Variants in SPAG16 observed in about 807,000 individuals in gnomAD.
SPAG16 encodes the protein sperm associated antigen 16, also known as sperm-associated antigen 16 protein.
Under a neutral mutation model 80.4 loss-of-function variants are expected in SPAG16, and 86 were observed. The ratio of observed to expected loss-of-function variants is 1.07; its 90% CI spans 0.90 to 1.28. The LOEUF (loss-of-function observed/expected upper bound fraction) is 1.28, where lower values mean the gene tolerates loss of function less well. Ranked by LOEUF, SPAG16 falls within the 50% of genes most tolerant of loss-of-function variation. SPAG16 has a pLI of 0.00. For synonymous variants in SPAG16, 294 were observed against 265.9 expected (o/e 1.11, Z -1.03); for missense variants, 870 against 765.3 (o/e 1.14, Z -1.61).
intron 10 of SPAG16, among the ~76,000 whole-genome samples, chr2:213,674,563 T>C (rs1434192724): frequency 1.4e-5 from 2 of 146,524 alleles, no homozygotes; most frequent in Non-Finnish European, 3.0e-5. Flanking sequence ...GTCCCCAGAG[T>C]GTGATGTTCC....
intron 15 of SPAG16, among the ~76,000 whole-genome samples, chr2:214,359,747 T>G (rs1699057295): frequency 6.6e-6 from 1 of 151,890 alleles, no homozygotes; most frequent in African/African-American, 2.4e-5. Context: ...AGTAAAGAAT[T>G]AATTAAATGT....
chr2:213,356,246 A>T (rs1054247226), intron 7 of SPAG16, among the ~76,000 whole-genome samples: 29 of 152,226 alleles, frequency 1.9e-4, no homozygotes, highest in African/African-American at 6.7e-4. Context: ...TGGTATCAGG[A>T]TGATGCTGGC....
chr2:213,445,619 A>G (rs913429818), intron 9 of SPAG16, among the ~76,000 whole-genome samples: 10 of 152,076 alleles, frequency 6.6e-5, no homozygotes, highest in Non-Finnish European at 1.2e-4. Flanking sequence ...TGAGCCAAAA[A>G]CATGCCATTG....
chr2:214,176,947 C>A (rs2057106509), intron 15 of SPAG16, among the ~76,000 whole-genome samples: 2 of 150,858 alleles, frequency 1.3e-5, no homozygotes, highest in African/African-American at 2.4e-5. Flanking sequence ...TTATGCTAAG[C>A]TTTTTTTAAA....
intron 10 of SPAG16, among the ~76,000 whole-genome samples, chr2:213,776,433 C>T (rs1336879111): frequency 6.6e-6 from 1 of 152,196 alleles, no homozygotes; most frequent in East Asian, 1.9e-4. Flanking sequence ...TGAAGCTCTT[C>T]TGGGTCCTTG....
intron 15 of SPAG16, among the ~76,000 whole-genome samples, chr2:214,331,229 C>T (rs1696890794): frequency 6.6e-6 from 1 of 152,112 alleles, no homozygotes. Flanking sequence ...AAGTGGATCA[C>T]CTGGGTCCCA....
chr2:213,468,463 CTATGTATTTATATATAGATATATATA>C (rs2072849928), intron 9 of SPAG16, among the ~76,000 whole-genome samples: 1 of 111,422 alleles, frequency 9.0e-6, no homozygotes, highest in African/African-American at 5.0e-5. Flanking sequence ...ATATATATCT[CTATGTATTTATATATAGATATATATA>C]TGTATTTATA....
At chr2:213,655,154 T>C (rs1198698787) in intron 10 of SPAG16, among the ~76,000 whole-genome samples, 1 of 152,196 alleles carries the variant, frequency 6.6e-6, no homozygotes, top group African/African-American at 2.4e-5. Flanking sequence ...TTCATGTAGG[T>C]TCATCAATTG....
intron 10 of SPAG16, among the ~76,000 whole-genome samples, chr2:213,532,990 C>T (rs930768546): frequency 1.3e-5 from 2 of 151,884 alleles, no homozygotes; most frequent in African/African-American, 4.8e-5. Context: ...GGAATACAGC[C>T]ATTCAAAAAA....
intron 9 of SPAG16, among the ~76,000 whole-genome samples, chr2:213,384,967 C>T (rs2067350385): frequency 6.6e-6 from 1 of 152,170 alleles, no homozygotes; most frequent in Non-Finnish European, 1.5e-5. Flanking sequence ...TTACGTGCTT[C>T]TGGCTGGCCT....
chr2:213,408,495 A>G (rs2068788708), intron 9 of SPAG16, among the ~76,000 whole-genome samples: 1 of 152,254 alleles, frequency 6.6e-6, no homozygotes, highest in African/African-American at 2.4e-5. Context: ...CAAAAATCTT[A>G]AAGTATGGGG....
At chr2:213,963,323 T>C (rs2044549388) in intron 12 of SPAG16, among the ~76,000 whole-genome samples, 1 of 152,156 alleles carries the variant, frequency 6.6e-6, no homozygotes, top group South Asian at 2.1e-4. Flanking sequence ...CTAAATTTTC[T>C]ATATTTTTTA....
At chr2:214,024,298 C>T (rs974051653) in intron 13 of SPAG16, among the ~76,000 whole-genome samples, 2 of 151,422 alleles carry the variant, frequency 1.3e-5, no homozygotes, top group African/African-American at 4.8e-5. Context: ...ACGTGCTTAC[C>T]CAACTGATTT....
chr2:213,900,619 C>A (rs72946857), intron 11 of SPAG16, among the ~76,000 whole-genome samples: 1 of 151,950 alleles, frequency 6.6e-6, no homozygotes, highest in Non-Finnish European at 1.5e-5. Context: ...CTTTCCTAAG[C>A]CCTTTTATTA....
chr2:214,210,591 G>A (rs2058265370), intron 15 of SPAG16, among the ~76,000 whole-genome samples: 1 of 151,868 alleles, frequency 6.6e-6, no homozygotes, highest in African/African-American at 2.4e-5. Flanking sequence ...TAATAGGTTT[G>A]AATAAATGTT....
chr2:214,288,152 C>T (rs1015744088), intron 15 of SPAG16, among the ~76,000 whole-genome samples: 6 of 151,754 alleles, frequency 4.0e-5, no homozygotes, highest in Non-Finnish European at 8.8e-5. Context: ...TTAGCTCCCA[C>T]GTATGCATGA....
At chr2:213,349,610 C>G (rs766454372) in intron 6 of SPAG16, among the ~76,000 whole-genome samples, 13 of 151,994 alleles carry the variant, frequency 8.6e-5, no homozygotes, top group Admixed American at 6.6e-4. Context: ...TTTAAAGAGG[C>G]CTTATTCATG....
At chr2:213,389,867 CA>C (rs1377029531) in intron 9 of SPAG16, among the ~76,000 whole-genome samples, 2 of 152,172 alleles carry the variant, frequency 1.3e-5, no homozygotes, top group Admixed American at 6.5e-5. Context: ...TATGATCTCA[CA>C]GTTTGCACTT....
At chr2:213,405,943 G>T (rs868868143) in intron 9 of SPAG16, among the ~76,000 whole-genome samples, 9 of 152,146 alleles carry the variant, frequency 5.9e-5, no homozygotes, top group Non-Finnish European at 1.2e-4. Context: ...CTTTAATCTG[G>T]TTAGCACAAA....
Sources: gnomAD v4.1 joint callset for allele counts (sites outside exome capture counted in the v4.1 genomes callset) on GRCh38, gnomAD v4.1.1 for gene constraint, MANE v1.5 for transcripts, NCBI Gene and HGNC (gene_info 2026-07-23, HGNC 2026-07-21) for gene names.